Variants in SVOPL observed in about 807,000 individuals in gnomAD.
SVOPL encodes the protein SVOP like.
SVOPL carries 60 observed loss-of-function variants against 61.0 expected under a neutral mutation model. The ratio of observed to expected loss-of-function variants is 0.98; its 90% CI spans 0.80 to 1.22. SVOPL has a LOEUF of 1.22. Ranked by LOEUF, SVOPL falls within the 50% of genes most tolerant of loss-of-function variation. SVOPL has a pLI of 0.00. For synonymous variants in SVOPL, 279 were observed against 250.0 expected (o/e 1.12, Z -1.09); for missense variants, 662 against 643.9 (o/e 1.03, Z -0.30).
chr7:138,690,091 G>A (rs979371069), intron 1 of SVOPL, among the ~76,000 whole-genome samples: 1 of 152,052 alleles, frequency 6.6e-6, no homozygotes, highest in African/African-American at 2.4e-5. Flanking sequence ...TTCCCTCCCA[G>A]CCTCAGAAAG....
At chr7:138,668,826 C>T (rs1255900289) in intron 4 of SVOPL, among the ~76,000 whole-genome samples, 3 of 152,156 alleles carry the variant, frequency 2.0e-5, no homozygotes, top group Non-Finnish European at 2.9e-5. Context: ...TGGAATTCTC[C>T]ACCACCAGTT....
At position 138,627,275 on chromosome 7, in the gene SVOPL, T is replaced by C. The variant is rs1584799372; in HGVS notation, c.1181+75A>G. On this transcript the variant is annotated intron_variant, in intron 12 of 15. Coordinates refer to ENST00000674285, the MANE Select transcript of SVOPL (RefSeq NM_001139456.2). ...GGTGAAAGTGACTTGTCCCTGAAAC[T>C]ACTGAACACCATGGGTCAGGAGACT... The C allele has an allele frequency of 1.8e-5, 20 of 1,123,874 alleles. No homozygotes were observed. In the East Asian group the frequency reaches 4.5e-4, roughly 26 times the overall value. 69.6% of individuals were successfully genotyped at this position (1,123,874 alleles called of 1,614,324 possible).
At chr7:138,629,805 GCTCACA>G (rs1800089802) in intron 10 of SVOPL, among the ~76,000 whole-genome samples, 2 of 152,194 alleles carry the variant, frequency 1.3e-5, no homozygotes, top group Non-Finnish European at 1.5e-5. Flanking sequence ...GAACTCATAT[GCTCACA>G]AGAAAAATTT....
At chr7:138,659,724 T>A in intron 6 of SVOPL, 140 bp downstream of exon 6, 2 of 908,542 alleles carry the variant, frequency 2.2e-6, no homozygotes, top group Non-Finnish European at 3.3e-6. Context: ...TTGGCAAAAA[T>A]AAACTTTCTA....
intron 14 of SVOPL, among the ~76,000 whole-genome samples, chr7:138,598,801 T>C (rs1330466246): frequency 6.6e-6 from 1 of 152,096 alleles, no homozygotes; most frequent in Non-Finnish European, 1.5e-5. Flanking sequence ...TACTTAGGAA[T>C]AAACAAGAAA....
At chr7:138,699,474 T>A (rs971751849) in intron 1 of SVOPL, among the ~76,000 whole-genome samples, 10 of 152,096 alleles carry the variant, frequency 6.6e-5, no homozygotes, top group African/African-American at 2.2e-4. Flanking sequence ...TTTTCTAAAC[T>A]AGGTTGATTT....
In SVOPL at chr7:138,628,375, A is replaced by T. The variant is rs1799995179; in HGVS notation, c.864-12T>A. 7.4e-6 allele frequency: 12 copies of T among 1,613,258 alleles called. No individual in the cohort carries two copies. The highest frequency in any genetic ancestry group is 1.0e-5 in the Non-Finnish European group (12 of 1,179,880). ...AAGAGATTCCAAGCCTGGAAGAGAGAAAACAAAGTCACTAGCCAACGCTGA... is the reference window on the plus strand; with the variant it reads ...AAGAGATTCCAAGCCTGGAAGAGAGTAAACAAAGTCACTAGCCAACGCTGA... On this transcript the variant is annotated splice_polypyrimidine_tract_variant and intron_variant, in intron 10 of 15. Transcript: ENST00000674285.
At chr7:138,676,393 C>T (rs1250707368) in intron 3 of SVOPL, among the ~76,000 whole-genome samples, 1 of 152,204 alleles carries the variant, frequency 6.6e-6, no homozygotes, top group Admixed American at 6.5e-5. Context: ...AAAGTGCCAG[C>T]AGGTTCTGCT....
rs950639679 is a variant in SVOPL, at chr7:138,650,430, T to C, written c.535-1293A>G. Reference sequence around the variant, plus strand: ...GAAGAGATTAGTTCTGAATATCTTGTATTGAGGAGCCTGTAAGACATTCAA... The same window carrying C: ...GAAGAGATTAGTTCTGAATATCTTGCATTGAGGAGCCTGTAAGACATTCAA... On this transcript the variant is annotated intron_variant, in intron 7 of 15. Transcript: ENST00000674285. Among the ~76,000 whole-genome samples the C allele has an allele frequency of 1.9e-4, 29 of 152,074 alleles. No homozygotes were observed. In the South Asian group the frequency reaches 4.1e-3, roughly 22 times the overall value.
intron 9 of SVOPL, among the ~76,000 whole-genome samples, chr7:138,640,750 C>G (rs1274535745): frequency 6.6e-6 from 1 of 152,108 alleles, no homozygotes; most frequent in African/African-American, 2.4e-5. Flanking sequence ...GCAATAGACA[C>G]TGCAGACTAC....
rs1311320251 is a variant in SVOPL, at chr7:138,630,092, C to G, written c.820G>C (p.Asp274His). The stretch of plus-strand genomic sequence containing the variant: ...AATGTGGTCCGTAAATATTTAGCAT[C>G]CAATAGGTCTGCAAATCTTCCTCTT... ...EKRGRFADLL[D>H]AKYLRTTLQI... is the part of the protein sequence containing the mutation. The change falls in exon 10 of 16, where the codon GAT (aspartate) becomes CAT (histidine). Residue 274 changes from aspartate (D) to histidine (H), a missense_variant. Transcript: ENST00000674285. The G allele has an allele frequency of 6.2e-7, 1 of 1,613,946 alleles. No homozygotes were observed. The highest frequency in any genetic ancestry group is 8.5e-7 in the Non-Finnish European group (1 of 1,179,868).
chr7:138,599,887 CA>C (rs11379417), intron 14 of SVOPL, among the ~76,000 whole-genome samples: 61,646 of 108,654 alleles, frequency 0.57, 13,243 homozygotes, highest in Admixed American at 0.63. Flanking sequence ...GACTCCGTCT[CA>C]AAAAAAAAAA....
At chr7:138,611,270 C>A (rs748789980) in intron 14 of SVOPL, among the ~76,000 whole-genome samples, 1 of 152,038 alleles carries the variant, frequency 6.6e-6, no homozygotes, top group Non-Finnish European at 1.5e-5. Context: ...CCTAGCTACT[C>A]GGGACGCTGA....
At chr7:138,652,072 T>A (rs1285329159) in intron 7 of SVOPL, among the ~76,000 whole-genome samples, 2 of 151,566 alleles carry the variant, frequency 1.3e-5, no homozygotes, top group Non-Finnish European at 2.9e-5. Context: ...GCCAATTTTT[T>A]TTTCCCCCTC....
rs1040382157 is a variant in SVOPL at position 138,662,104 on chromosome 7, CTCATT to C, written c.345+965_345+969del. 6.1e-5 allele frequency: 60 copies of C among 985,434 alleles called. No individual in the cohort carries two copies. The African/African-American group carries it at 8.2e-4, about 13-fold the overall frequency. 61.0% of individuals were successfully genotyped at this position (985,434 alleles called of 1,614,324 possible). ...TTTGGGTGGCTTCTTTATAAACTCT[CTCATT>C]TAAGAGCATGGGCTTCCATTTCTGT... On this transcript the variant is annotated intron_variant, in intron 5 of 15. Coordinates refer to ENST00000674285, the MANE Select transcript of SVOPL (RefSeq NM_001139456.2).
chr7:138,622,469 A>G (rs1468283385), intron 13 of SVOPL, among the ~76,000 whole-genome samples: 1 of 139,792 alleles, frequency 7.2e-6, no homozygotes, highest in Non-Finnish European at 1.5e-5. Context: ...TAATTTTTGT[A>G]TTTTTAGTGG....
At chr7:138,631,036 G>A (rs574881395) in intron 9 of SVOPL, among the ~76,000 whole-genome samples, 2 of 151,756 alleles carry the variant, frequency 1.3e-5, no homozygotes, top group South Asian at 2.1e-4. Flanking sequence ...CTTCAGATGA[G>A]GGCACGCCAT....
In SVOPL at chr7:138,623,826, T is replaced by G. The variant is rs368368597; in HGVS notation, c.1263+2143A>C. Among the ~76,000 whole-genome samples the G allele has an allele frequency of 7.9e-5, 12 of 151,724 alleles. No individual in the cohort carries two copies. In the East Asian group the frequency reaches 1.5e-3, roughly 20 times the overall value. On this transcript the variant is annotated intron_variant, in intron 13 of 15. Coordinates refer to ENST00000674285, the MANE Select transcript of SVOPL (RefSeq NM_001139456.2). ...TGCAAAATTATTTAAAGTCAATAAT[T>G]TTTTTTTTCTTTTTGAGACGGAGTC...
chr7:138,685,288 G>A (rs546820049), intron 1 of SVOPL, among the ~76,000 whole-genome samples: 2 of 152,272 alleles, frequency 1.3e-5, no homozygotes, highest in East Asian at 3.9e-4. Context: ...CTGCAACAAG[G>A]TGGATGAAAC....
Sources: gnomAD v4.1 joint callset for allele counts (sites outside exome capture counted in the v4.1 genomes callset) on GRCh38, gnomAD v4.1.1 for gene constraint, MANE v1.5 for transcripts, NCBI Gene and HGNC (gene_info 2026-07-23, HGNC 2026-07-21) for gene names.